Variants in HDHD2 observed in about 807,000 individuals in gnomAD.
HDHD2 encodes haloacid dehalogenase-like hydrolase domain-containing protein 2.
Under a neutral mutation model 24.8 loss-of-function variants are expected in HDHD2, and 26 were observed. The observed-to-expected ratio is 1.05, with a 90% CI of 0.77 to 1.45. The LOEUF is 1.45. HDHD2 is among the 40% of genes most tolerant of loss of function. HDHD2 has a pLI of 0.00. For missense variants in HDHD2, 299 were observed against 313.4 expected (o/e 0.95, Z 0.35); for synonymous variants, 128 against 114.9 (o/e 1.11, Z -0.73).
intron 4 of HDHD2, among the ~76,000 whole-genome samples, chr18:47,122,686 CA>C (rs1337845005): frequency 2.0e-5 from 3 of 151,934 alleles, no homozygotes; most frequent in Non-Finnish European, 4.4e-5. Context: ...ATTGAAACCC[CA>C]AAATACCTCC....
intron 1 of HDHD2, among the ~76,000 whole-genome samples, chr18:47,141,472 G>A (rs939036806): frequency 6.6e-6 from 1 of 152,056 alleles, no homozygotes; most frequent in African/African-American, 2.4e-5. Flanking sequence ...AAGAGGGTAG[G>A]GAGGAACTAA....
At chr18:47,141,666 T>A (rs1275909204) in intron 1 of HDHD2, among the ~76,000 whole-genome samples, 3 of 152,230 alleles carry the variant, frequency 2.0e-5, no homozygotes, top group Non-Finnish European at 2.9e-5. Flanking sequence ...GCTAAAATTG[T>A]TTTAGCTTTG....
At chr18:47,126,518 T>C (rs184178994) in intron 4 of HDHD2, among the ~76,000 whole-genome samples, 29 of 152,254 alleles carry the variant, frequency 1.9e-4, no homozygotes, top group South Asian at 6.2e-4. Flanking sequence ...TCTCTAAGAC[T>C]TTTGGAGGAC....
intron 4 of HDHD2, among the ~76,000 whole-genome samples, chr18:47,130,007 T>A (rs958547858): frequency 1.3e-5 from 2 of 152,130 alleles, no homozygotes; most frequent in African/African-American, 2.4e-5. Flanking sequence ...CACTCCAGCC[T>A]GGGCGACAGA....
At chr18:47,127,934 C>T (rs2063675736) in intron 4 of HDHD2, among the ~76,000 whole-genome samples, 1 of 152,160 alleles carries the variant, frequency 6.6e-6, no homozygotes, top group African/African-American at 2.4e-5. Context: ...TTGTCATTAT[C>T]AGCCTAAACA....
At chr18:47,111,613 G>A (rs1035460215) in intron 6 of HDHD2, 4 of 985,162 alleles carry the variant, frequency 4.1e-6, no homozygotes, top group Admixed American at 1.2e-4. Flanking sequence ...CATTTTGACT[G>A]AGACATTCGA....
At chr18:47,114,264 A>T (rs1384181316) in intron 5 of HDHD2, among the ~76,000 whole-genome samples, 1 of 152,188 alleles carries the variant, frequency 6.6e-6, no homozygotes, top group Non-Finnish European at 1.5e-5. Context: ...ACACATTTCC[A>T]CCATCACAAG....
chr18:47,144,704 T>C (rs185737056), intron 1 of HDHD2, among the ~76,000 whole-genome samples: 16 of 145,598 alleles, frequency 1.1e-4, no homozygotes, highest in African/African-American at 4.1e-4. Flanking sequence ...GAGGCTAAGG[T>C]GGGAGGGACT....
At position 47,126,583 on chromosome 18, in the gene HDHD2, A is replaced by G. The variant is rs79916951; in HGVS notation, c.395+3661T>C. Among the ~76,000 whole-genome samples the G allele has an allele frequency of 3.2e-3, 488 of 152,298 alleles. 7 individuals are homozygous for G. The highest frequency in any genetic ancestry group is 0.026 in the East Asian group (133 of 5,188). ...ATGTTATTAACAAAACTTCAAATAC[A>G]TTATTCTTAAAAAGGCTTCATCTAT... On this transcript the variant is annotated intron_variant, in intron 4 of 6. Coordinates refer to ENST00000300605, the MANE Select transcript of HDHD2 (RefSeq NM_032124.5).
Position 47,111,396 on chromosome 18 carries a change from A to G in HDHD2, c.676+1581T>C, listed in dbSNP as rs1033667310. 5 of 982,064 alleles carry G rather than the reference A, an allele frequency of 5.1e-6. No individual in the cohort carries two copies. The African/African-American group carries it at 5.2e-5, about 10-fold the overall frequency. 60.8% of individuals were successfully genotyped at this position (982,064 alleles called of 1,614,324 possible). On this transcript the variant is annotated intron_variant, in intron 6 of 6. Transcript: ENST00000300605. ...AAAAAAAAAAAAGAAAGAAAGAAAG[A>G]AAGAAATACTCATGGGAATAATACA... is the stretch of plus-strand genomic sequence containing the variant.
Position 47,108,661 on chromosome 18 carries a change from G to T in HDHD2, c.*21C>A. Reference sequence around the variant, plus strand: ...ACAATAAGAAGCTGCATTTCAAGTTGCTTCAGATGCACACACTGCTTCACA... The same window carrying T: ...ACAATAAGAAGCTGCATTTCAAGTTTCTTCAGATGCACACACTGCTTCACA... On this transcript the variant is annotated 3_prime_UTR_variant, in exon 7 of 7. Coordinates refer to ENST00000300605, the MANE Select transcript of HDHD2 (RefSeq NM_032124.5). 5 of 1,298,810 alleles carry T rather than the reference G, an allele frequency of 3.8e-6. No homozygotes were observed. Among genetic ancestry groups the T allele is most frequent in the Non-Finnish European group, 5.5e-6 (5 of 906,696 alleles). The allele number at this position is 1,298,810 out of a possible 1,614,324, so 80.5% of individuals were successfully genotyped here.
chr18:47,136,885 T>C (rs1477910685), intron 1 of HDHD2: 3 of 410,622 alleles, frequency 7.3e-6, no homozygotes, highest in East Asian at 4.8e-5. Context: ...CGCCCTTCTT[T>C]GCTGCTGTAA....
chr18:47,108,781 T>C lies in HDHD2; in HGVS notation c.681A>G (p.Lys227=), dbSNP rs779317547. The C allele has an allele frequency of 1.3e-6, 2 of 1,596,912 alleles. No individual in the cohort carries two copies. The highest frequency in any genetic ancestry group is 1.1e-5 in the South Asian group (1 of 90,390). ...GMLGILVKTG[K]YRASDEEKIN... is the part of the protein sequence containing the mutation. ...TTTTTTCTTCATCTGATGCTCGATATTTCCCTGAAATGAAAGTAAAGCCAG... is the reference window on the plus strand; with the variant it reads ...TTTTTTCTTCATCTGATGCTCGATACTTCCCTGAAATGAAAGTAAAGCCAG... The change falls in exon 7 of 7, where the codon AAA becomes AAG. Residue 227 remains lysine (K), a synonymous_variant. Coordinates refer to ENST00000300605, the MANE Select transcript of HDHD2 (RefSeq NM_032124.5).
At chr18:47,119,471 A>G (rs1296300837) in intron 4 of HDHD2, among the ~76,000 whole-genome samples, 1 of 152,252 alleles carries the variant, frequency 6.6e-6, no homozygotes, top group East Asian at 1.9e-4. Context: ...TTCATCCAAA[A>G]GAAGCAACTT....
At chr18:47,110,651 C>T in intron 6 of HDHD2, 1 of 984,916 alleles carries the variant, frequency 1.0e-6, no homozygotes, top group African/African-American at 1.7e-5. Context: ...ACAGCAGGGG[C>T]TCAATAACGT....
At chr18:47,117,450 G>A (rs138926443) in intron 4 of HDHD2, among the ~76,000 whole-genome samples, 46 of 152,228 alleles carry the variant, frequency 3.0e-4, no homozygotes, top group African/African-American at 1.1e-3. Flanking sequence ...TCTTGTGTGC[G>A]TGCTCTCTTG....
At chr18:47,112,807 C>T (rs1411956152) in intron 6 of HDHD2, among the ~76,000 whole-genome samples, 170 bp downstream of exon 6, 1 of 152,204 alleles carries the variant, frequency 6.6e-6, no homozygotes, top group Admixed American at 6.5e-5. Flanking sequence ...TTGTACAGCA[C>T]GGGCCCTTCC....
chr18:47,115,195 C>A lies in HDHD2; in HGVS notation c.549G>T (p.Thr183=), dbSNP rs201173300. Residue 183 remains threonine (T), a synonymous_variant, in exon 5 of 7, where the codon ACG becomes ACT. Transcript: ENST00000300605. Reference sequence around the variant, plus strand: ...TGCCCCGCAATGCTTCCAAAAAGAACGTCTTCTCTGGTTTCCCCACGACTG... The same window carrying A: ...TGCCCCGCAATGCTTCCAAAAAGAAAGTCTTCTCTGGTTTCCCCACGACTG... ...KATVVGKPEK[T]FFLEALRGTG... is the part of the protein sequence containing the mutation. 1.9e-6 allele frequency: 3 copies of A among 1,613,848 alleles called. No homozygotes were observed. The African/African-American group carries it at 4.0e-5, about 22-fold the overall frequency.
intron 4 of HDHD2, among the ~76,000 whole-genome samples, chr18:47,128,430 C>G (rs980269751): frequency 3.3e-5 from 5 of 152,116 alleles, no homozygotes; most frequent in African/African-American, 1.2e-4. Flanking sequence ...CAAATGAAAA[C>G]TGATATTGGT....
Sources: allele counts gnomAD v4.1 joint callset (sites outside exome capture counted in the v4.1 genomes callset), GRCh38; gene constraint gnomAD v4.1.1; transcripts MANE v1.5; gene names NCBI Gene and HGNC (gene_info 2026-07-23, HGNC 2026-07-21).